CERT1: variants seen among roughly 807,000 people sequenced by gnomAD.
CERT1 encodes ceramide transfer protein.
CERT1 carries 31 observed loss-of-function variants against 87.9 expected under a neutral mutation model. The ratio of observed to expected loss-of-function variants is 0.35; its 90% CI spans 0.27 to 0.48. The LOEUF (loss-of-function observed/expected upper bound fraction) is 0.48, where lower values mean the gene tolerates loss of function less well. CERT1 is among the 20% of genes least tolerant of loss of function. The pLI is 0.99. For missense variants in CERT1, 487 were observed against 758.0 expected (o/e 0.64, Z 4.20); for synonymous variants, 289 against 250.9 (o/e 1.15, Z -1.44).
chr5:75,389,445 C>A, intron 12 of CERT1, 147 bp downstream of exon 12: 1 of 539,620 alleles, frequency 1.9e-6, no homozygotes, highest in East Asian at 2.9e-5. Context: ...CATTTTATTG[C>A]TCAATATATG....
At chr5:75,377,742 T>C (rs983163159), downstream of CERT1, 3 of 152,236 alleles carry the variant, frequency 2.0e-5, no homozygotes, top group African/African-American at 7.2e-5. Context: ...TAATACTATA[T>C]GGTGAATGCA....
At chr5:75,397,700 T>C (rs1271358952) in intron 11 of CERT1, among the ~76,000 whole-genome samples, 1 of 152,168 alleles carries the variant, frequency 6.6e-6, no homozygotes, top group Admixed American at 6.5e-5. Flanking sequence ...TGTCACAGAT[T>C]CATTATGAAT....
intron 11 of CERT1, among the ~76,000 whole-genome samples, chr5:75,393,240 T>C (rs904270314): frequency 6.6e-5 from 10 of 151,932 alleles, no homozygotes; most frequent in African/African-American, 2.4e-4. Context: ...GCCCTTGATT[T>C]TTCTGGACCT....
At chr5:75,425,308 GC>G (rs1198444861) in intron 5 of CERT1, 52 bp downstream of exon 5, 1 of 1,536,992 alleles carries the variant, frequency 6.5e-7, no homozygotes, top group Non-Finnish European at 8.9e-7. Flanking sequence ...AGATCAAGAG[GC>G]TTTTAATCCA....
At position 75,378,727 on chromosome 5, in the gene CERT1, G is replaced by A. The variant is rs1761429007; in HGVS notation, c.*619C>T. ...GTCAGTACATACACAGAAAAATCTGGAGGAATATACAACAAAAATAACAGT... is the reference window on the plus strand; with the variant it reads ...GTCAGTACATACACAGAAAAATCTGAAGGAATATACAACAAAAATAACAGT... On this transcript the variant is annotated 3_prime_UTR_variant, in exon 17 of 17. Transcript: ENST00000643780. 6.6e-6 allele frequency: 1 copy of A among 152,170 alleles called. No homozygotes were observed. The highest frequency in any genetic ancestry group is 2.1e-4 in the South Asian group (1 of 4,826). The allele number at this position is 152,170 out of a possible 1,614,324, so 9.4% of individuals were successfully genotyped here.
intron 8 of CERT1, among the ~76,000 whole-genome samples, chr5:75,408,838 ATAC>A (rs1762816517): frequency 6.6e-6 from 1 of 152,180 alleles, no homozygotes; most frequent in African/African-American, 2.4e-5. Context: ...GCTCAATTAC[ATAC>A]ATAAAGCAAT....
intron 2 of CERT1, among the ~76,000 whole-genome samples, chr5:75,498,104 T>C (rs1056224577): frequency 6.6e-6 from 1 of 152,172 alleles, no homozygotes; most frequent in African/African-American, 2.4e-5. Context: ...ATTTTGCCCC[T>C]GCCCTAGAGA....
chr5:75,495,892 C>T (rs1561303624), intron 2 of CERT1, among the ~76,000 whole-genome samples: 1 of 150,932 alleles, frequency 6.6e-6, no homozygotes, highest in Non-Finnish European at 1.5e-5. Context: ...GCACATTGTG[C>T]ACATGTACCC....
At chr5:75,434,371 T>C (rs562049037) in intron 3 of CERT1, among the ~76,000 whole-genome samples, 2 of 152,302 alleles carry the variant, frequency 1.3e-5, no homozygotes, top group Non-Finnish European at 2.9e-5. Context: ...TGGTGGTGTT[T>C]TGACGTGCTG....
chr5:75,482,704 A>C (rs1306473968), intron 2 of CERT1, among the ~76,000 whole-genome samples: 1 of 152,188 alleles, frequency 6.6e-6, no homozygotes, highest in Non-Finnish European at 1.5e-5. Flanking sequence ...ATTTAGGGGA[A>C]AGGGTAGAGG....
chr5:75,416,776 C>T, intron 7 of CERT1, 100 bp downstream of exon 7: 1 of 1,060,764 alleles, frequency 9.4e-7, no homozygotes, highest in South Asian at 1.7e-5. Context: ...TTTCTATCAA[C>T]CCAAGATTCT....
Position 75,434,812 on chromosome 5 carries a change from A to G in CERT1, c.349-8334T>C, listed in dbSNP as rs117633595. ...TTTTTAATCTCTGAGGGTTTTTTGT[A>G]TTTCTGTGGGATGAGTGGTAATGTC... On this transcript the variant is annotated intron_variant, in intron 3 of 16. Transcript: ENST00000643780. Among the ~76,000 whole-genome samples the G allele has an allele frequency of 6.6e-5, 10 of 151,728 alleles. No individual in the cohort carries two copies. The East Asian group carries it at 1.9e-3, about 29-fold the overall frequency.
intron 3 of CERT1, 134 bp from the exon 4 acceptor site, chr5:75,426,612 A>G: frequency 1.6e-6 from 1 of 617,788 alleles, no homozygotes; most frequent in Non-Finnish European, 2.9e-6. Flanking sequence ...TAGTCAATCC[A>G]CTGACATAAG....
At chr5:75,389,064 T>G (rs1361627743) in intron 12 of CERT1, among the ~76,000 whole-genome samples, 1 of 152,228 alleles carries the variant, frequency 6.6e-6, no homozygotes, top group African/African-American at 2.4e-5. Flanking sequence ...CTTTTGCTTT[T>G]CAATCCATCT....
At chr5:75,383,857 T>C (rs1285250061) in intron 14 of CERT1, among the ~76,000 whole-genome samples, 1 of 152,168 alleles carries the variant, frequency 6.6e-6, no homozygotes, top group Non-Finnish European at 1.5e-5. Context: ...CATTATGTTA[T>C]TGGGCAGTTT....
intron 1 of CERT1, among the ~76,000 whole-genome samples, chr5:75,507,613 C>T (rs1767714583): frequency 6.6e-6 from 1 of 152,188 alleles, no homozygotes; most frequent in South Asian, 2.1e-4. Flanking sequence ...TACTTCCTTC[C>T]TATTTTCCTA....
intron 7 of CERT1, among the ~76,000 whole-genome samples, chr5:75,415,292 TAAG>T (rs1313363642): frequency 6.6e-6 from 1 of 152,232 alleles, no homozygotes; most frequent in Non-Finnish European, 1.5e-5. Context: ...GATAGATCTG[TAAG>T]AAGACTATAA....
rs16872532 is a variant in CERT1, at chr5:75,382,158, A to C, written c.1489-81T>G. The C allele has an allele frequency of 4.8e-3, 6,449 of 1,332,510 alleles. 244 individuals carry two copies. The African/African-American group carries it at 0.085, about 17-fold the overall frequency. 82.5% of individuals were successfully genotyped at this position (1,332,510 alleles called of 1,614,324 possible). A position where few individuals can be genotyped will look rare whatever the true frequency, so the allele number is the denominator to read the frequency against. ...AAACGTAATGCCAATAAATGTCTTA[A>C]TTGAAGGTAAAATCTCTCAAATTTT... On this transcript the variant is annotated intron_variant, in intron 14 of 16. Transcript: ENST00000643780.
chr5:75,464,537 C>A (rs941022571), intron 2 of CERT1, among the ~76,000 whole-genome samples: 1 of 152,170 alleles, frequency 6.6e-6, no homozygotes, highest in Non-Finnish European at 1.5e-5. Flanking sequence ...AGGGCCCAAA[C>A]TTGCATTGTT....
Sources: allele counts gnomAD v4.1 joint callset (sites outside exome capture counted in the v4.1 genomes callset), GRCh38; gene constraint gnomAD v4.1.1; transcripts MANE v1.5; gene names NCBI Gene and HGNC (gene_info 2026-07-23, HGNC 2026-07-21).